Variants in ROR1 observed in about 807,000 individuals in gnomAD.
ROR1 encodes the protein inactive tyrosine-protein kinase transmembrane receptor ROR1.
Under a neutral mutation model 78.8 loss-of-function variants are expected in ROR1, and 19 were observed. The observed-to-expected ratio is 0.24, with a 90% CI of 0.17 to 0.35. The LOEUF is 0.35. Among genes scored for constraint, ROR1 ranks in the 10% least tolerant of loss-of-function variants. ROR1 has a pLI of 1.00. For missense variants in ROR1, 917 were observed against 1,177.8 expected (o/e 0.78, Z 3.24); for synonymous variants, 386 against 433.6 (o/e 0.89, Z 1.36).
intron 1 of ROR1, among the ~76,000 whole-genome samples, chr1:63,879,893 T>G (rs597878): frequency 0.79 from 119,779 of 152,046 alleles, 50,487 homozygotes; most frequent in East Asian, 0.99. Context: ...GATTTTTTTG[T>G]GTGTGTTTTA....
chr1:63,939,804 G>A (rs868564533), intron 1 of ROR1, among the ~76,000 whole-genome samples: 2 of 152,254 alleles, frequency 1.3e-5, no homozygotes, highest in Middle Eastern at 3.4e-3. Flanking sequence ...TGCACGTTTT[G>A]AGTTAATGCA....
rs113212503 is a variant in ROR1 at position 63,966,242 on chromosome 1, G to A, written c.92-43063G>A. ...TTGGAGATGCCGCTCTCTTGGTTCA[G>A]TTACTCAGAGCTGTCAAAGCGACAG... On this transcript the variant is annotated intron_variant, in intron 1 of 8. Transcript: ENST00000371079. 5.6e-3 allele frequency among the ~76,000 whole-genome samples: 850 copies of A among 152,308 alleles called. 5 individuals are homozygous for A. Among genetic ancestry groups the A allele is most frequent in the African/African-American group, 0.017 (716 of 41,566 alleles).
chr1:64,040,508 G>T (rs530466036), intron 2 of ROR1, among the ~76,000 whole-genome samples: 1 of 152,262 alleles, frequency 6.6e-6, no homozygotes, highest in East Asian at 1.9e-4. Context: ...CACTTTCTAT[G>T]TCTGTTCAGC....
intron 1 of ROR1, among the ~76,000 whole-genome samples, chr1:63,903,551 C>T (rs1454559051): frequency 6.6e-6 from 1 of 151,806 alleles, no homozygotes; most frequent in Non-Finnish European, 1.5e-5. Flanking sequence ...AGACATGTCC[C>T]TCTCATCTTC....
chr1:63,829,269 T>C (rs1473658632), intron 1 of ROR1, among the ~76,000 whole-genome samples: 3 of 152,254 alleles, frequency 2.0e-5, no homozygotes, highest in African/African-American at 7.2e-5. Context: ...TTATGCTATG[T>C]GTTATGCAAA....
intron 1 of ROR1, among the ~76,000 whole-genome samples, chr1:63,831,747 A>C (rs543176180): frequency 6.6e-6 from 1 of 152,374 alleles, no homozygotes; most frequent in East Asian, 1.9e-4. Flanking sequence ...AAATTTCTGC[A>C]GCTGGTAGCT....
intron 4 of ROR1, among the ~76,000 whole-genome samples, chr1:64,060,196 G>A (rs551842986): frequency 6.6e-6 from 1 of 152,130 alleles, no homozygotes; most frequent in Non-Finnish European, 1.5e-5. Flanking sequence ...TCATAGCATT[G>A]TTGAAAAGAT....
At position 64,178,736 on chromosome 1, in the gene ROR1, A is replaced by G. The variant is rs1650464828; in HGVS notation, c.2695A>G (p.Ile899Val). Reference sequence around the variant, plus strand: ...TCCAAATCATCCTGGTGGAATGGGTATCACCGTTTTTGGCAACAAATCTCA... The same window carrying G: ...TCCAAATCATCCTGGTGGAATGGGTGTCACCGTTTTTGGCAACAAATCTCA... ...SIPNHPGGMG[I>V]TVFGNKSQKP... Residue 899 changes from isoleucine to valine, a missense_variant, in exon 9 of 9, where the codon ATC becomes GTC. Physicochemically the swap from Ile to Val is conservative, Grantham distance 29 (BLOSUM62 3). Transcript: ENST00000371079. This position sits in a 1 kb window ranked among gnomAD's most constrained non-coding sequence, Gnocchi z 4.3. 2.5e-6 allele frequency: 4 copies of G among 1,614,170 alleles called. No individual in the cohort carries two copies. Among genetic ancestry groups the G allele is most frequent in the South Asian group, 1.1e-5 (1 of 91,082 alleles).
At chr1:63,789,715 T>TTTAAAAGG (rs1644714172) in intron 1 of ROR1, among the ~76,000 whole-genome samples, 1 of 146,762 alleles carries the variant, frequency 6.8e-6, no homozygotes, top group Non-Finnish European at 1.5e-5. Context: ...ACAGGCACTG[T>TTTAAAAGG]CACTCTCTTT....
chr1:63,995,658 C>G (rs939477887), intron 1 of ROR1, among the ~76,000 whole-genome samples: 1 of 152,170 alleles, frequency 6.6e-6, no homozygotes, highest in African/African-American at 2.4e-5. Flanking sequence ...TAGTTCTTAA[C>G]CTCATTGAGC....
At position 63,823,369 on chromosome 1, in the gene ROR1, C is replaced by T. The variant is rs551160297; in HGVS notation, c.91+48861C>T. 2.4e-4 allele frequency among the ~76,000 whole-genome samples: 37 copies of T among 151,376 alleles called. No homozygotes were observed. The South Asian group carries it at 6.7e-3, about 27-fold the overall frequency. On this transcript the variant is annotated intron_variant, in intron 1 of 8. Transcript: ENST00000371079. ...GATTCATTCAATGAGTATGGAGGACCTAATAGATACAAGGTTTATAATTTA... is the reference window on the plus strand; with the variant it reads ...GATTCATTCAATGAGTATGGAGGACTTAATAGATACAAGGTTTATAATTTA...
chr1:64,019,290 T>C (rs184952838), intron 2 of ROR1, among the ~76,000 whole-genome samples: 1 of 152,332 alleles, frequency 6.6e-6, no homozygotes, highest in Non-Finnish European at 1.5e-5. Flanking sequence ...TGAGGTAATG[T>C]AGACAAGACC....
chr1:64,023,915 T>C (rs1027290373), intron 2 of ROR1, among the ~76,000 whole-genome samples: 1 of 152,152 alleles, frequency 6.6e-6, no homozygotes, highest in African/African-American at 2.4e-5. Flanking sequence ...TAGGAGGTGA[T>C]TGGATCATGG....
At chr1:63,786,704 A>G (rs1329601061) in intron 1 of ROR1, among the ~76,000 whole-genome samples, 1 of 150,782 alleles carries the variant, frequency 6.6e-6, no homozygotes, top group Admixed American at 6.6e-5. Context: ...GCTTAGGTTT[A>G]GAAAGTTTCT....
chr1:64,149,664 G>A (rs1408494190), intron 7 of ROR1, among the ~76,000 whole-genome samples: 1 of 152,086 alleles, frequency 6.6e-6, no homozygotes, highest in Non-Finnish European at 1.5e-5. Flanking sequence ...CTCAAAGTTG[G>A]CCATCTTCTC....
intron 4 of ROR1, among the ~76,000 whole-genome samples, chr1:64,076,687 A>G (rs373559465): frequency 2.6e-5 from 4 of 152,246 alleles, no homozygotes; most frequent in African/African-American, 9.6e-5. Flanking sequence ...AAACAGCAGC[A>G]CAGGATAACC....
chr1:63,829,431 G>A (rs973079138), intron 1 of ROR1, among the ~76,000 whole-genome samples: 6 of 152,280 alleles, frequency 3.9e-5, no homozygotes, highest in East Asian at 1.9e-4. Context: ...TGGGAGCACC[G>A]TCACGAGGGA....
chr1:63,891,660 G>T (rs1334389060), intron 1 of ROR1, among the ~76,000 whole-genome samples: 4 of 152,058 alleles, frequency 2.6e-5, no homozygotes, highest in Non-Finnish European at 5.9e-5. Context: ...CATGCCTCGA[G>T]TATGCATCAT....
intron 1 of ROR1, among the ~76,000 whole-genome samples, chr1:63,902,187 A>G (rs1204193082): frequency 6.6e-6 from 1 of 152,182 alleles, no homozygotes; most frequent in Non-Finnish European, 1.5e-5. Context: ...TAGCTATTTA[A>G]ATGGAAAAGA....
Sources: allele counts gnomAD v4.1 joint callset (sites outside exome capture counted in the v4.1 genomes callset), GRCh38; gene constraint gnomAD v4.1.1; non-coding constraint Gnocchi (gnomAD v3.1); transcripts MANE v1.5; gene names NCBI Gene and HGNC (gene_info 2026-07-23, HGNC 2026-07-21).